FOXN3: variants seen among roughly 807,000 people sequenced by gnomAD.
The protein encoded by FOXN3 is forkhead box N3, also known as forkhead box protein N3.
In FOXN3, 7 loss-of-function variants were observed where a neutral mutation model predicts 38.4. That is an observed-to-expected ratio of 0.18 (90% CI 0.10 to 0.34). FOXN3 has a LOEUF of 0.34. Ranked by LOEUF, FOXN3 falls within the 10% of genes least tolerant of loss-of-function variation. The pLI, the probability that FOXN3 is intolerant of heterozygous loss-of-function variation, is 1.00. For missense variants in FOXN3, 456 were observed against 613.4 expected (o/e 0.74, Z 2.71); for synonymous variants, 230 against 242.2 (o/e 0.95, Z 0.47).
At position 89,340,777 on chromosome 14, in the gene FOXN3, A is replaced by G. The variant is rs78553421; in HGVS notation, c.680+9895T>C. On this transcript the variant is annotated intron_variant, in intron 3 of 5. Transcript: ENST00000557258. ...TGCTTGGCAAAACACTGCCGTGATC[A>G]TTTTATTCACACGGAAGGAAATGCA... Among the ~76,000 whole-genome samples the G allele has an allele frequency of 8.3e-3, 1,260 of 152,158 alleles. 12 individuals carry two copies. The highest frequency in any genetic ancestry group is 0.029 in the African/African-American group (1,197 of 41,522).
At chr14:89,266,838 A>G (rs554457601) in intron 4 of FOXN3, among the ~76,000 whole-genome samples, 1 of 152,228 alleles carries the variant, frequency 6.6e-6, no homozygotes, top group South Asian at 2.1e-4. Context: ...CTCCATCACA[A>G]TGTCACTCCA....
At chr14:89,615,573 G>A (rs1566719117) in intron 1 of FOXN3, among the ~76,000 whole-genome samples, 1 of 152,126 alleles carries the variant, frequency 6.6e-6, no homozygotes, top group Non-Finnish European at 1.5e-5. Flanking sequence ...GAGAATGAAG[G>A]TAGATTCTAG....
chr14:89,328,072 A>C (rs1462768789), intron 3 of FOXN3, among the ~76,000 whole-genome samples: 1 of 152,268 alleles, frequency 6.6e-6, no homozygotes, highest in African/African-American at 2.4e-5. Context: ...ACTTGGGAAG[A>C]GCTTCAAAAC....
intron 4 of FOXN3, among the ~76,000 whole-genome samples, chr14:89,271,515 T>C (rs139022648): frequency 1.3e-3 from 205 of 152,342 alleles, no homozygotes; most frequent in African/African-American, 4.8e-3. Context: ...TGAATTATAA[T>C]TGGTGTAAAA....
At chr14:89,253,800 C>T (rs780562250) in intron 4 of FOXN3, among the ~76,000 whole-genome samples, 3 of 152,158 alleles carry the variant, frequency 2.0e-5, no homozygotes, top group Non-Finnish European at 2.9e-5. Context: ...TTCCTGAAAT[C>T]CCCCAGGACT....
At chr14:89,522,029 G>A (rs1287313) in intron 1 of FOXN3, among the ~76,000 whole-genome samples, 43,840 of 146,600 alleles carry the variant, frequency 0.3, 6,785 homozygotes, top group East Asian at 0.41. Flanking sequence ...CAAAAAAAAA[G>A]AAAAAAGAAA....
chr14:89,512,291 G>A (rs139024404), intron 1 of FOXN3, among the ~76,000 whole-genome samples: 5 of 152,292 alleles, frequency 3.3e-5, no homozygotes, highest in African/African-American at 9.6e-5. Flanking sequence ...AGTAGAAAAC[G>A]CATACGAATA....
intron 4 of FOXN3, among the ~76,000 whole-genome samples, chr14:89,239,110 C>T (rs554101074): frequency 6.6e-6 from 1 of 152,246 alleles, no homozygotes; most frequent in African/African-American, 2.4e-5. Context: ...CACTCCGCCC[C>T]CCTCTTCCCT....
At chr14:89,299,777 G>C (rs1222345376) in intron 3 of FOXN3, among the ~76,000 whole-genome samples, 1 of 152,214 alleles carries the variant, frequency 6.6e-6, no homozygotes, top group African/African-American at 2.4e-5. Context: ...CGGAGGTCTT[G>C]ACAATGGTAC....
intron 1 of FOXN3, among the ~76,000 whole-genome samples, chr14:89,552,432 C>A (rs1396169889): frequency 3.2e-4 from 48 of 152,120 alleles, no homozygotes; most frequent in Admixed American, 3.1e-3. Context: ...TTTTAGTTCG[C>A]AATAGAAGCA....
At chr14:89,209,352 T>C (rs1888462946) in intron 4 of FOXN3, among the ~76,000 whole-genome samples, 1 of 152,242 alleles carries the variant, frequency 6.6e-6, no homozygotes, top group African/African-American at 2.4e-5. Flanking sequence ...CCAATATTTT[T>C]CCAATGATAT....
intron 1 of FOXN3, among the ~76,000 whole-genome samples, chr14:89,488,303 T>C (rs1192160610): frequency 1.3e-5 from 2 of 151,876 alleles, no homozygotes; most frequent in Middle Eastern, 3.4e-3. Flanking sequence ...GGCTGGGGGC[T>C]CCTCTTTTTC....
At chr14:89,609,589 T>C (rs1262212183) in intron 1 of FOXN3, among the ~76,000 whole-genome samples, 2 of 152,186 alleles carry the variant, frequency 1.3e-5, no homozygotes, top group African/African-American at 4.8e-5. Context: ...ATTACAGAGT[T>C]TTATTTCCAT....
chr14:89,538,808 C>T (rs947160677), intron 1 of FOXN3, among the ~76,000 whole-genome samples: 5 of 151,888 alleles, frequency 3.3e-5, no homozygotes, highest in East Asian at 1.9e-4. Context: ...CATGAGTCAC[C>T]GCACCTGGCC....
At chr14:89,445,865 G>T (rs1288763491) in intron 1 of FOXN3, among the ~76,000 whole-genome samples, 1 of 151,810 alleles carries the variant, frequency 6.6e-6, no homozygotes, top group Middle Eastern at 3.2e-3. Context: ...GGAATCCCTT[G>T]AGCCCAGGAG....
At chr14:89,295,451 C>T (rs1887005344) in intron 3 of FOXN3, among the ~76,000 whole-genome samples, 2 of 152,224 alleles carry the variant, frequency 1.3e-5, no homozygotes, top group Non-Finnish European at 2.9e-5. Context: ...CTAACAGTGA[C>T]TCCTCTCTTA....
intron 3 of FOXN3, among the ~76,000 whole-genome samples, chr14:89,311,787 C>T (rs1382342938): frequency 3.3e-5 from 5 of 151,606 alleles, no homozygotes; most frequent in African/African-American, 4.8e-5. Flanking sequence ...GATCACGCCA[C>T]TGCACTCCAG....
At chr14:89,253,011 G>A (rs191587157) in intron 4 of FOXN3, among the ~76,000 whole-genome samples, 62 of 152,306 alleles carry the variant, frequency 4.1e-4, no homozygotes, top group East Asian at 5.8e-4. Flanking sequence ...GGGTTGTCAA[G>A]GACACTAAGT....
chr14:89,358,409 T>G (rs935628005), intron 2 of FOXN3, among the ~76,000 whole-genome samples: 6 of 152,126 alleles, frequency 3.9e-5, no homozygotes, highest in African/African-American at 9.7e-5. Flanking sequence ...CTAAGTCAAG[T>G]GCTCCAAGGT....
Sources: allele counts gnomAD v4.1 joint callset (sites outside exome capture counted in the v4.1 genomes callset), GRCh38; gene constraint gnomAD v4.1.1; transcripts MANE v1.5; gene names NCBI Gene and HGNC (gene_info 2026-07-23, HGNC 2026-07-21).